The following TSPAN4 variants were observed in gnomAD, a reference collection of about 807,000 sequenced individuals.
The protein encoded by TSPAN4 is tetraspanin-4.
A neutral mutation model predicts 31.5 loss-of-function variants in TSPAN4; 38 were observed. That is an observed-to-expected ratio of 1.21 (90% confidence interval 0.93 to 1.58). TSPAN4 has a LOEUF of 1.58. Ranked by LOEUF, TSPAN4 falls within the 40% of genes most tolerant of loss-of-function variation. The probability of loss-of-function intolerance (pLI) is 0.00; values close to 1 mark genes in which losing one functional copy is unlikely to be tolerated. For missense variants in TSPAN4, 330 were observed against 317.3 expected (o/e 1.04, Z -0.30); for synonymous variants, 186 against 144.6 (o/e 1.29, Z -2.06).
intron 1 of TSPAN4, among the ~76,000 whole-genome samples, chr11:845,618 G>T (rs1250065119): frequency 6.6e-6 from 1 of 152,090 alleles, no homozygotes; most frequent in Non-Finnish European, 1.5e-5. Context: ...GGCACCTGAG[G>T]TGCGGCTGCT....
At chr11:864,161 G>C (rs753371315) in intron 4 of TSPAN4, 10 of 545,938 alleles carry the variant, frequency 1.8e-5, no homozygotes, top group Non-Finnish European at 3.3e-5. Context: ...GGGTGTCTGG[G>C]TTGCCCCAGG....
At chr11:847,020 A>C (rs903030861) in intron 1 of TSPAN4, 181 bp from the exon 2 acceptor site, 2 of 151,968 alleles carry the variant, frequency 1.3e-5, no homozygotes, top group African/African-American at 4.8e-5. Context: ...GGTTGGGGCT[A>C]CTCCTCAGTG....
intron 1 of TSPAN4, chr11:843,955 C>T (rs1474877519): frequency 6.6e-6 from 1 of 152,336 alleles, no homozygotes; most frequent in Admixed American, 6.5e-5. Context: ...CTTGGGGTTT[C>T]CGCTCCCACC....
chr11:864,124 CAG>C, intron 4 of TSPAN4: 1 of 464,042 alleles, frequency 2.2e-6, no homozygotes, highest in East Asian at 3.7e-5. Context: ...GCTGGGGCCT[CAG>C]GAACAGGGAT....
intron 3 of TSPAN4, among the ~76,000 whole-genome samples, chr11:861,776 G>A (rs1343573387): frequency 1.3e-5 from 2 of 151,484 alleles, no homozygotes; most frequent in Non-Finnish European, 2.9e-5. Flanking sequence ...AAAATTAACC[G>A]GGTGTGGTGG....
At chr11:862,371 G>T in intron 3 of TSPAN4, 179 bp from the exon 4 acceptor site, 2 of 581,958 alleles carry the variant, frequency 3.4e-6, no homozygotes, top group Non-Finnish European at 5.9e-6. Flanking sequence ...TGTCGGGAAA[G>T]ACTGGCCTGC....
chr11:866,400 T>G (rs924923029), intron 8 of TSPAN4, among the ~76,000 whole-genome samples, 162 bp from the exon 9 acceptor site: 2 of 148,618 alleles, frequency 1.3e-5, no homozygotes, highest in African/African-American at 2.5e-5. Context: ...AGGGGTTGGG[T>G]GGGGCGTGCA....
rs1399622389 is a variant in TSPAN4, at chr11:848,843, G to A, written c.-17-1445G>A. ...GGGGTAGGCTGCAGGGCACAGCTGG[G>A]GGCCTCTGTCCCCATCTCCGGCTGT... On this transcript the variant is annotated intron_variant, in intron 2 of 8. Transcript: ENST00000397397. This position sits in a 1 kb window ranked among gnomAD's most constrained non-coding sequence, Gnocchi z 5.7. The A allele has an allele frequency of 3.0e-6, 2 of 675,174 alleles. No individual in the cohort carries two copies. Among genetic ancestry groups the A allele is most frequent in the Non-Finnish European group, 5.5e-6 (2 of 363,268 alleles). The allele number at this position is 675,174 out of a possible 1,614,324, so 41.8% of individuals were successfully genotyped here. A position where few individuals can be genotyped will look rare whatever the true frequency, so the allele number is the denominator to read the frequency against.
intron 3 of TSPAN4, chr11:858,498 T>G (rs1308425765): frequency 1.2e-5 from 2 of 169,820 alleles, no homozygotes; most frequent in Non-Finnish European, 2.5e-5. Context: ...ACACACACCC[T>G]GGCTCACATG....
intron 3 of TSPAN4, among the ~76,000 whole-genome samples, chr11:851,210 G>C (rs1011568714): frequency 6.6e-6 from 1 of 152,236 alleles, no homozygotes. Flanking sequence ...CCTGGCTCCT[G>C]TGGAGGGCAG....
rs547512243 is a variant in TSPAN4, at chr11:862,535, G to C, written c.64-15G>C. On this transcript the variant is annotated splice_polypyrimidine_tract_variant and intron_variant, in intron 3 of 8. Transcript: ENST00000397397. Reference sequence around the variant, plus strand: ...GCCTCACCCTGTCTGTGTCTCTCCTGTTGCTGTGCCCCAGCTGGGAGGCTG... The same window carrying C: ...GCCTCACCCTGTCTGTGTCTCTCCTCTTGCTGTGCCCCAGCTGGGAGGCTG... The C allele has an allele frequency of 6.3e-7, 1 of 1,595,120 alleles. No homozygotes were observed. Among genetic ancestry groups the C allele is most frequent in the East Asian group, 2.2e-5 (1 of 44,710 alleles).
intron 2 of TSPAN4, chr11:849,040 G>C: frequency 1.7e-6 from 1 of 597,456 alleles, no homozygotes. Flanking sequence ...AAATTACCAA[G>C]AATTTCAAGA....
At chr11:859,975 G>A (rs1177457087) in intron 3 of TSPAN4, among the ~76,000 whole-genome samples, 1 of 152,196 alleles carries the variant, frequency 6.6e-6, no homozygotes, top group African/African-American at 2.4e-5. Flanking sequence ...CACCCAGTCT[G>A]TCCAGCTCCC....
At chr11:860,247 G>A (rs1262589209) in intron 3 of TSPAN4, among the ~76,000 whole-genome samples, 1 of 152,194 alleles carries the variant, frequency 6.6e-6, no homozygotes, top group South Asian at 2.1e-4. Flanking sequence ...TCTGCTCTGA[G>A]GGGATTTTAC....
In TSPAN4 at chr11:865,054, C is replaced by T. The variant is rs770940092; in HGVS notation, c.331-459C>T. ...ACAGACTTTTCATTTTGGGGCACGT[C>T]CTGACTTCCTGGCACTGCAGGGCGC... is the stretch of plus-strand genomic sequence containing the variant. On this transcript the variant is annotated intron_variant, in intron 5 of 8. Coordinates refer to ENST00000397397, the MANE Select transcript of TSPAN4 (RefSeq NM_003271.5). 3.2e-4 allele frequency: 58 copies of T among 183,900 alleles called. No individual in the cohort carries two copies. In the Middle Eastern group the frequency reaches 8.0e-3, roughly 25 times the overall value. 11.4% of individuals were successfully genotyped at this position (183,900 alleles called of 1,614,324 possible).
At chr11:845,584 C>T (rs1487877350) in intron 1 of TSPAN4, among the ~76,000 whole-genome samples, 14 of 152,118 alleles carry the variant, frequency 9.2e-5, no homozygotes, top group Non-Finnish European at 2.1e-4. Context: ...GTTGCAGGGG[C>T]CAGGGCCAGG....
chr11:864,282 G>A, intron 4 of TSPAN4, 155 bp from the exon 5 acceptor site: 1 of 820,156 alleles, frequency 1.2e-6, no homozygotes, highest in Non-Finnish European at 2.0e-6. Context: ...TCTGAGGTGG[G>A]GGCGGCGTTC....
At chr11:862,770 G>A (rs759621178) in intron 4 of TSPAN4, 29 bp downstream of exon 4, 20 of 1,585,030 alleles carry the variant, frequency 1.3e-5, no homozygotes, top group African/African-American at 6.8e-5. Context: ...GCGATGCTCC[G>A]GGTGGGACCA....
chr11:855,912 A>G (rs1848017421), intron 3 of TSPAN4, among the ~76,000 whole-genome samples: 1 of 152,208 alleles, frequency 6.6e-6, no homozygotes, highest in Non-Finnish European at 1.5e-5. Context: ...CAGCCCAGCC[A>G]TCTGCCACAA....
Sources: allele counts gnomAD v4.1 joint callset (sites outside exome capture counted in the v4.1 genomes callset), GRCh38; gene constraint gnomAD v4.1.1; non-coding constraint Gnocchi (gnomAD v3.1); transcripts MANE v1.5; gene names NCBI Gene and HGNC (gene_info 2026-07-23, HGNC 2026-07-21).